The following KCNQ1 variants were observed in gnomAD, a reference collection of about 807,000 sequenced individuals.
KCNQ1 encodes the protein potassium voltage-gated channel subfamily KQT member 1.
A neutral mutation model predicts 72.4 loss-of-function variants in KCNQ1; 49 were observed. The observed-to-expected ratio is 0.68, with a 90% CI of 0.54 to 0.86. The LOEUF is 0.86. Ranked by LOEUF, KCNQ1 falls within the 40% of genes least tolerant of loss-of-function variation. The pLI is 0.00. For synonymous variants in KCNQ1, 450 were observed against 412.6 expected (o/e 1.09, Z -1.10); for missense variants, 790 against 945.1 (o/e 0.84, Z 2.15).
At chr11:2,586,633 C>T (rs186089767) in intron 8 of KCNQ1, among the ~76,000 whole-genome samples, 38 of 152,272 alleles carry the variant, frequency 2.5e-4, no homozygotes, top group South Asian at 1.7e-3. Flanking sequence ...TGGGGGACCA[C>T]GTGGAGTGCT....
intron 2 of KCNQ1, among the ~76,000 whole-genome samples, chr11:2,539,159 A>C (rs1167774700): frequency 2.0e-5 from 3 of 152,088 alleles, no homozygotes; most frequent in African/African-American, 7.2e-5. Flanking sequence ...CCTGTTCCCC[A>C]TTGCTCCTCC....
chr11:2,743,983 G>A (rs560132480), intron 11 of KCNQ1, among the ~76,000 whole-genome samples: 4 of 152,298 alleles, frequency 2.6e-5, no homozygotes, highest in Admixed American at 1.3e-4. Flanking sequence ...GGCCTGATCC[G>A]GGGCCTCTTG....
chr11:2,698,218 C>T lies in KCNQ1; in HGVS notation c.1514+36137C>T. 2 of 398,616 alleles carry T rather than the reference C, an allele frequency of 5.0e-6. No homozygotes were observed. Among genetic ancestry groups the T allele is most frequent in the Admixed American group, 4.4e-5 (1 of 22,736 alleles). 24.7% of individuals were successfully genotyped at this position (398,616 alleles called of 1,614,324 possible). A position where few individuals can be genotyped will look rare whatever the true frequency, so the allele number is the denominator to read the frequency against. On this transcript the variant is annotated intron_variant, in intron 11 of 15. Transcript: ENST00000155840. This position sits in a 1 kb window ranked among gnomAD's most constrained non-coding sequence, Gnocchi z 5.1. ...AGTAAAGAAAGAACTGGTAAATGCA[C>T]ATCAAATGTGGATATTATCAGGAAA...
Position 2,687,567 on chromosome 11 carries a change from C to A in KCNQ1, c.1514+25486C>A, listed in dbSNP as rs551241068. ...CACCTACCACAGCCCACTCTGATGA[C>A]CCCCTGTCAAGGAGGTGTGACTGAG... On this transcript the variant is annotated intron_variant, in intron 11 of 15. Transcript: ENST00000155840. This position sits in a 1 kb window ranked among gnomAD's most constrained non-coding sequence, Gnocchi z 5.0. 1.0e-5 allele frequency: 4 copies of A among 398,700 alleles called. No individual in the cohort carries two copies. In the East Asian group the frequency reaches 1.4e-4, roughly 14 times the overall value. 24.7% of individuals were successfully genotyped at this position (398,700 alleles called of 1,614,324 possible).
At chr11:2,804,450 G>A (rs562541154) in intron 15 of KCNQ1, among the ~76,000 whole-genome samples, 1 of 152,350 alleles carries the variant, frequency 6.6e-6, no homozygotes, top group African/African-American at 2.4e-5. Context: ...TATTGACGGT[G>A]CTGGGAGAGA....
chr11:2,535,593 G>A (rs1847716248), intron 2 of KCNQ1, among the ~76,000 whole-genome samples: 1 of 152,168 alleles, frequency 6.6e-6, no homozygotes, highest in Admixed American at 6.5e-5. Context: ...TCCTGGTCCT[G>A]GGGAGCCCTG....
In KCNQ1 at chr11:2,767,796, C is replaced by T. The variant is rs775632080; in HGVS notation, c.1515-1048C>T. 1.4e-4 allele frequency among the ~76,000 whole-genome samples: 22 copies of T among 152,246 alleles called. 1 individual carries two copies. Among genetic ancestry groups the T allele is most frequent in the Non-Finnish European group, 3.1e-4 (21 of 68,044 alleles). The stretch of plus-strand genomic sequence containing the variant: ...TTTTGCTCAGTTTCTGTGATTCTCA[C>T]CCACCCGTGTGGCTTAGGAATTCAC... On this transcript the variant is annotated intron_variant, in intron 11 of 15. Coordinates refer to ENST00000155840, the MANE Select transcript of KCNQ1 (RefSeq NM_000218.3). This position sits in a 1 kb window ranked among gnomAD's most constrained non-coding sequence, Gnocchi z 4.6.
Position 2,759,507 on chromosome 11 carries a change from C to G in KCNQ1, c.1515-9337C>G, listed in dbSNP as rs1489883672. Among the ~76,000 whole-genome samples, 2 of 152,214 alleles carry G rather than the reference C, an allele frequency of 1.3e-5. No homozygotes were observed. Among genetic ancestry groups the G allele is most frequent in the African/African-American group, 4.8e-5 (2 of 41,450 alleles). On this transcript the variant is annotated intron_variant, in intron 11 of 15. Coordinates refer to ENST00000155840, the MANE Select transcript of KCNQ1 (RefSeq NM_000218.3). This position sits in a 1 kb window ranked among gnomAD's most constrained non-coding sequence, Gnocchi z 4.4. ...CAAGCTCGGGCCTTTGAAGACAGCT[C>G]TGTGTCTCCTAGGACGCACAGGTGT...
chr11:2,649,860 G>T (rs1849730711), intron 10 of KCNQ1: 3 of 398,196 alleles, frequency 7.5e-6, no homozygotes, highest in Non-Finnish European at 1.3e-5. Context: ...GCAGTTTTCA[G>T]GTATTATCTT....
In KCNQ1 at chr11:2,703,527, A is replaced by G. The variant is rs943992982; in HGVS notation, c.1514+41446A>G. Among the ~76,000 whole-genome samples the G allele has an allele frequency of 6.6e-6, 1 of 152,178 alleles. No homozygotes were observed. The highest frequency in any genetic ancestry group is 6.5e-5 in the Admixed American group (1 of 15,286). On this transcript the variant is annotated intron_variant, in intron 11 of 15. Coordinates refer to ENST00000155840, the MANE Select transcript of KCNQ1 (RefSeq NM_000218.3). The surrounding 1 kb of genome is among the most constrained non-coding windows in gnomAD (Gnocchi z 6.4). ...CACGCACTCACAGCTGAAGAGAATT[A>G]GGCTCAAAACGTCCACTCGGCTTTT...
rs200623938 is a variant in KCNQ1, at chr11:2,654,503, C to T, written c.1394-7458C>T. On this transcript the variant is annotated intron_variant, in intron 10 of 15. Coordinates refer to ENST00000155840, the MANE Select transcript of KCNQ1 (RefSeq NM_000218.3). This position sits in a 1 kb window ranked among gnomAD's most constrained non-coding sequence, Gnocchi z 6.4. ...GCCGTACAGGGGAGGGGGCAATCTC[C>T]GGAGCCCTGGAAAGCTTGTGGAAGA... The T allele has an allele frequency of 5.5e-5, 22 of 398,574 alleles. No homozygotes were observed. The East Asian group carries it at 6.1e-4, about 11-fold the overall frequency. 24.7% of individuals were successfully genotyped at this position (398,574 alleles called of 1,614,324 possible). A position where few individuals can be genotyped will look rare whatever the true frequency, so the allele number is the denominator to read the frequency against.
chr11:2,536,855 G>T lies in KCNQ1; in HGVS notation c.477+8837G>T, dbSNP rs1775501295. On this transcript the variant is annotated intron_variant, in intron 2 of 15. Transcript: ENST00000155840. The surrounding 1 kb of genome is among the most constrained non-coding windows in gnomAD (Gnocchi z 7.4). ...CGAGACCCAGGTGTGGGCAGGGCTG[G>T]TTCTTCTGAGGCCCCTCCCGGCTTC... Among the ~76,000 whole-genome samples the T allele has an allele frequency of 6.6e-6, 1 of 152,048 alleles. No homozygotes were observed. The highest frequency in any genetic ancestry group is 2.4e-5 in the African/African-American group (1 of 41,320).
At chr11:2,616,834 T>G in intron 10 of KCNQ1, 1 of 398,336 alleles carries the variant, frequency 2.5e-6, no homozygotes, top group Non-Finnish European at 4.4e-6. Context: ...ATGTTCCATG[T>G]GCACTTGAGA....
rs1846354165 is a variant in KCNQ1 at position 2,759,452 on chromosome 11, C to T, written c.1515-9392C>T. On this transcript the variant is annotated intron_variant, in intron 11 of 15. Transcript: ENST00000155840. This position sits in a 1 kb window ranked among gnomAD's most constrained non-coding sequence, Gnocchi z 4.4. ...GGGTCCCCAGGGGATGTTCCTTCCC[C>T]AAGGCGCTGTGGCCACTTAGAGGGT... 6.6e-6 allele frequency among the ~76,000 whole-genome samples: 1 copy of T among 152,176 alleles called. No individual in the cohort carries two copies. Among genetic ancestry groups the T allele is most frequent in the East Asian group, 1.9e-4 (1 of 5,186 alleles).
In KCNQ1 at chr11:2,669,075, G is replaced by T. The variant is rs577007419; in HGVS notation, c.1514+6994G>T. The T allele has an allele frequency of 2.5e-6, 1 of 398,570 alleles. No individual in the cohort carries two copies. The highest frequency in any genetic ancestry group is 4.4e-6 in the Non-Finnish European group (1 of 226,110). The allele number at this position is 398,570 out of a possible 1,614,324, so 24.7% of individuals were successfully genotyped here. A position where few individuals can be genotyped will look rare whatever the true frequency, so the allele number is the denominator to read the frequency against. On this transcript the variant is annotated intron_variant, in intron 11 of 15. Transcript: ENST00000155840. This position sits in a 1 kb window ranked among gnomAD's most constrained non-coding sequence, Gnocchi z 5.6. ...CCCGTCCTCTCCCAACTACCCTGCCGTATCAGTGTCTTTACAATCAGCTCA... is the reference window on the plus strand; with the variant it reads ...CCCGTCCTCTCCCAACTACCCTGCCTTATCAGTGTCTTTACAATCAGCTCA...
In KCNQ1 at chr11:2,756,981, A is replaced by AAAAAAAAAAAAAC. The variant is rs58902386; in HGVS notation, c.1515-11863_1515-11862insAAAAAAAAAAAAC. Among the ~76,000 whole-genome samples the AAAAAAAAAAAAAC allele has an allele frequency of 6.1e-5, 7 of 115,180 alleles. 1 individual carries two copies. Among genetic ancestry groups the AAAAAAAAAAAAAC allele is most frequent in the African/African-American group, 9.5e-5 (3 of 31,666 alleles). The allele number at this position is 115,180 out of a possible 152,430, so 75.6% of individuals were successfully genotyped here. ...AAAAAAAAAAAAAAAAAAAAAAAAA[A>AAAAAAAAAAAAAC]CCCACAGCTAACATCACATCACACT... On this transcript the variant is annotated intron_variant, in intron 11 of 15. Transcript: ENST00000155840.
In KCNQ1 at chr11:2,529,329, G is replaced by A. The variant is rs567536310; in HGVS notation, c.477+1311G>A. 5.9e-5 allele frequency among the ~76,000 whole-genome samples: 9 copies of A among 152,236 alleles called. No homozygotes were observed. The South Asian group carries it at 1.7e-3, about 28-fold the overall frequency. ...CCTCGGCAGGGCTTTCTTTTTCGGG[G>A]GTTTCCTGGTGGCGCTTGCAGCCTT... On this transcript the variant is annotated intron_variant, in intron 2 of 15. Coordinates refer to ENST00000155840, the MANE Select transcript of KCNQ1 (RefSeq NM_000218.3).
intron 14 of KCNQ1, 51 bp downstream of exon 14, chr11:2,777,083 C>T (rs746333921): frequency 6.4e-7 from 1 of 1,562,634 alleles, no homozygotes; most frequent in Admixed American, 1.7e-5. Flanking sequence ...AATGGACTCT[C>T]CCGCACCTCT....
intron 2 of KCNQ1, among the ~76,000 whole-genome samples, chr11:2,561,406 GC>G (rs1011894378): frequency 6.6e-6 from 1 of 152,150 alleles, no homozygotes; most frequent in Non-Finnish European, 1.5e-5. Flanking sequence ...TCAGGACCCT[GC>G]CCCCCGAGGA....
Sources: gnomAD v4.1 joint callset for allele counts (sites outside exome capture counted in the v4.1 genomes callset) on GRCh38, gnomAD v4.1.1 for gene constraint, Gnocchi (gnomAD v3.1) non-coding constraint, MANE v1.5 for transcripts, NCBI Gene and HGNC (gene_info 2026-07-23, HGNC 2026-07-21) for gene names.